TENM3: variants seen among roughly 807,000 people sequenced by gnomAD.
TENM3 encodes teneurin transmembrane protein 3.
TENM3 carries 63 observed loss-of-function variants against 255.1 expected under a neutral mutation model. That is an observed-to-expected ratio of 0.25 (90% CI 0.20 to 0.30). The LOEUF is 0.30. Ranked by LOEUF, TENM3 falls within the 10% of genes least tolerant of loss-of-function variation. The pLI is 1.00. For missense variants in TENM3, 2,929 were observed against 3,461.1 expected (o/e 0.85, Z 3.86); for synonymous variants, 1,306 against 1,322.3 (o/e 0.99, Z 0.27).
At chr4:182,094,374 T>C in the TENM3 span, among the ~76,000 whole-genome samples, 1 of 151,822 alleles carries the variant, frequency 6.6e-6, no homozygotes, top group South Asian at 2.1e-4. Context: ...GCCTCCCGAG[T>C]AGCTGGGATT....
the TENM3 span, among the ~76,000 whole-genome samples, chr4:182,098,531 A>G: frequency 6.6e-6 from 1 of 152,248 alleles, no homozygotes; most frequent in Non-Finnish European, 1.5e-5. Flanking sequence ...GGTCATTTGC[A>G]ACACCACTGG....
chr4:181,863,465 T>A, the TENM3 span, among the ~76,000 whole-genome samples: 1 of 152,164 alleles, frequency 6.6e-6, no homozygotes, highest in Non-Finnish European at 1.5e-5. Flanking sequence ...AGAAAATGCA[T>A]TTCTAGTAAT....
chr4:182,604,540 C>T (rs1401721843), intron 4 of TENM3, among the ~76,000 whole-genome samples: 4 of 152,164 alleles, frequency 2.6e-5, no homozygotes, highest in African/African-American at 9.7e-5. Context: ...AGCAGCTGAG[C>T]AAACGCTTAG....
intron 1 of TENM3, among the ~76,000 whole-genome samples, chr4:182,248,768 C>T (rs1311531389): frequency 6.6e-6 from 1 of 152,144 alleles, no homozygotes; most frequent in Non-Finnish European, 1.5e-5. Context: ...CCACAGTAAA[C>T]CTGACAAAAA....
chr4:182,611,757 T>C (rs1245792807), intron 4 of TENM3, among the ~76,000 whole-genome samples: 1 of 152,242 alleles, frequency 6.6e-6, no homozygotes, highest in Non-Finnish European at 1.5e-5. Context: ...AGCTATACTG[T>C]CTTTATCATT....
intron 3 of TENM3, among the ~76,000 whole-genome samples, chr4:182,583,304 C>T (rs1745682897): frequency 6.7e-6 from 1 of 150,034 alleles, no homozygotes; most frequent in Non-Finnish European, 1.5e-5. Context: ...GCATTCAAGA[C>T]ATAGAGTTAG....
At chr4:181,703,931 C>A in the TENM3 span, among the ~76,000 whole-genome samples, 1 of 152,152 alleles carries the variant, frequency 6.6e-6, no homozygotes, top group African/African-American at 2.4e-5. Flanking sequence ...AGAAATATAA[C>A]AGAATATTCA....
At chr4:182,457,663 TC>T (rs1773987714) in intron 3 of TENM3, among the ~76,000 whole-genome samples, 1 of 145,280 alleles carries the variant, frequency 6.9e-6, no homozygotes, top group Non-Finnish European at 1.5e-5. Context: ...GCACAAGTGA[TC>T]CTCTCACCTC....
intron 5 of TENM3, among the ~76,000 whole-genome samples, chr4:182,650,933 C>G (rs998361439): frequency 3.1e-5 from 4 of 127,338 alleles, no homozygotes; most frequent in African/African-American, 1.1e-4. Flanking sequence ...TAAAACAAAG[C>G]TGTTGCCTAT....
the TENM3 span, among the ~76,000 whole-genome samples, chr4:182,081,563 G>A: frequency 3.1e-4 from 40 of 128,688 alleles, no homozygotes; most frequent in African/African-American, 1.2e-3. Context: ...CAGCCTGGGC[G>A]ACAGAGTGAG....
intron 3 of TENM3, among the ~76,000 whole-genome samples, chr4:182,381,626 ATCT>A (rs994925379): frequency 3.0e-5 from 4 of 132,062 alleles, no homozygotes; most frequent in African/African-American, 1.2e-4. Flanking sequence ...TGTGATCTCG[ATCT>A]CGGCTCACTG....
chr4:181,635,303 T>C, the TENM3 span, among the ~76,000 whole-genome samples: 1 of 152,220 alleles, frequency 6.6e-6, no homozygotes. Flanking sequence ...ATGCATTTAC[T>C]CTGCAGTGAA....
At chr4:181,967,833 C>G in the TENM3 span, among the ~76,000 whole-genome samples, 1 of 152,126 alleles carries the variant, frequency 6.6e-6, no homozygotes, top group African/African-American at 2.4e-5. Context: ...GTTCCACCCC[C>G]CAGGCTTACT....
At chr4:182,719,833 G>C (rs563175681) in intron 13 of TENM3, among the ~76,000 whole-genome samples, 1 of 152,292 alleles carries the variant, frequency 6.6e-6, no homozygotes, top group East Asian at 1.9e-4. Flanking sequence ...GGCTGAGGCA[G>C]TTGGATTACT....
At chr4:182,711,631 T>C (rs937249170) in intron 12 of TENM3, 4 of 896,590 alleles carry the variant, frequency 4.5e-6, no homozygotes, top group Non-Finnish European at 5.3e-6. Flanking sequence ...TGTTGACATA[T>C]CTACATATAT....
chr4:181,658,467 C>A, the TENM3 span, among the ~76,000 whole-genome samples: 3 of 152,152 alleles, frequency 2.0e-5, no homozygotes, highest in African/African-American at 7.2e-5. Flanking sequence ...ACCTTCAACT[C>A]TTAAAGGAAA....
chr4:182,763,253 ATTCT>A (rs1763362694), intron 22 of TENM3, among the ~76,000 whole-genome samples: 1 of 152,204 alleles, frequency 6.6e-6, no homozygotes, highest in Non-Finnish European at 1.5e-5. Context: ...GAAAGATGTC[ATTCT>A]GTTTCAAACT....
At chr4:182,004,335 A>T in the TENM3 span, among the ~76,000 whole-genome samples, 1 of 151,814 alleles carries the variant, frequency 6.6e-6, no homozygotes, top group African/African-American at 2.4e-5. Flanking sequence ...TTCTGTTCCT[A>T]TGTTAGTTTG....
chr4:181,690,237 C>T, the TENM3 span, among the ~76,000 whole-genome samples: 1 of 79,592 alleles, frequency 1.3e-5, no homozygotes, highest in Admixed American at 1.9e-4. Context: ...TGCGCGTGAG[C>T]GTGCACACAC....
Sources: allele counts gnomAD v4.1 joint callset (sites outside exome capture counted in the v4.1 genomes callset), GRCh38; gene constraint gnomAD v4.1.1; transcripts MANE v1.5; gene names NCBI Gene and HGNC (gene_info 2026-07-23, HGNC 2026-07-21).